The following PTPN13 variants were observed in gnomAD, a reference collection of about 807,000 sequenced individuals.
The protein encoded by PTPN13 is protein tyrosine phosphatase non-receptor type 13.
Under a neutral mutation model 284.0 loss-of-function variants are expected in PTPN13, and 191 were observed. That is an observed-to-expected ratio of 0.67 (90% CI 0.60 to 0.76). The LOEUF (loss-of-function observed/expected upper bound fraction) is 0.76. Ranked by LOEUF, PTPN13 falls within the 30% of genes least tolerant of loss-of-function variation. The probability of loss-of-function intolerance (pLI) is 0.00; values close to 1 mark genes in which losing one functional copy is unlikely to be tolerated. For synonymous variants in PTPN13, 986 were observed against 1,022.3 expected (o/e 0.96, Z 0.68); for missense variants, 2,797 against 2,939.9 (o/e 0.95, Z 1.12).
chr4:86,738,008 T>C (rs1398416501), intron 15 of PTPN13, among the ~76,000 whole-genome samples: 2 of 152,204 alleles, frequency 1.3e-5, no homozygotes, highest in Non-Finnish European at 2.9e-5. Context: ...GATACAGGTG[T>C]GAGCTACTGT....
At chr4:86,599,713 A>AT (rs1258023653) in intron 1 of PTPN13, among the ~76,000 whole-genome samples, 3 of 152,040 alleles carry the variant, frequency 2.0e-5, no homozygotes, top group African/African-American at 7.2e-5. Context: ...ATATTGTGTT[A>AT]TTTTTTAAAG....
chr4:86,815,136 CA>C lies in PTPN13; in HGVS notation c.*586del, dbSNP rs1040692672. 11 of 152,560 alleles carry C rather than the reference CA, an allele frequency of 7.2e-5. No homozygotes were observed. The highest frequency in any genetic ancestry group is 2.7e-4 in the African/African-American group (11 of 41,428). 9.5% of individuals were successfully genotyped at this position (152,560 alleles called of 1,614,324 possible). The stretch of plus-strand genomic sequence containing the variant: ...TTATCTCACTTTGTAAATAAAAACA[CA>C]CCTTAAAACATGAACAAGCCAAAAC... On this transcript the variant is annotated 3_prime_UTR_variant, in exon 48 of 48. Transcript: ENST00000411767.
intron 26 of PTPN13, 66 bp downstream of exon 26, chr4:86,765,554 A>G (rs956414367): frequency 9.6e-6 from 11 of 1,150,398 alleles, no homozygotes; most frequent in Non-Finnish European, 1.4e-5. Flanking sequence ...AAGAAATTAT[A>G]AAGTTGATAA....
intron 2 of PTPN13, among the ~76,000 whole-genome samples, chr4:86,655,755 A>C (rs554344075): frequency 1.3e-5 from 2 of 152,130 alleles, no homozygotes; most frequent in East Asian, 3.9e-4. Context: ...TCTTTGTGGC[A>C]TTCTCTGTAT....
At chr4:86,760,539 ACT>A (rs1738553255) in intron 23 of PTPN13, among the ~76,000 whole-genome samples, 1 of 152,058 alleles carries the variant, frequency 6.6e-6, no homozygotes, top group African/African-American at 2.4e-5. Flanking sequence ...AAGACAAAAA[ACT>A]CTGCCCTAAT....
intron 24 of PTPN13, 50 bp downstream of exon 24, chr4:86,763,240 A>G (rs1324037792): frequency 6.9e-7 from 1 of 1,440,294 alleles, no homozygotes. Flanking sequence ...AAAGCAAAAT[A>G]GCAGCAAATA....
chr4:86,613,612 C>CGACAA (rs1720185816), intron 1 of PTPN13, among the ~76,000 whole-genome samples: 1 of 129,114 alleles, frequency 7.7e-6, no homozygotes, highest in Non-Finnish European at 1.6e-5. Context: ...CCAGCCTGGG[C>CGACAA]GACAAGGTGA....
intron 47 of PTPN13, among the ~76,000 whole-genome samples, chr4:86,811,900 C>G (rs1745248389): frequency 6.6e-6 from 1 of 152,204 alleles, no homozygotes; most frequent in African/African-American, 2.4e-5. Context: ...GATTTATAAT[C>G]ACGCTTTTTA....
Position 86,672,467 on chromosome 4 carries a change from A to T in PTPN13, c.218A>T (p.Asn73Ile), listed in dbSNP as rs375778703. 2 of 1,597,792 alleles carry T rather than the reference A, an allele frequency of 1.3e-6. No individual in the cohort carries two copies. The highest frequency in any genetic ancestry group is 3.5e-5 in the Admixed American group (2 of 57,800). ...SVSFTDENIS[N>I]QDLRAFTAPE... The stretch of plus-strand genomic sequence containing the variant: ...TCATTTACAGATGAAAATATTTCCA[A>T]TCAGGATCTTCGAGCATTCACTGCA... Residue 73 changes from asparagine to isoleucine, a missense_variant, in exon 3 of 48, where the codon AAT becomes ATT. Asn to Ile is a moderately radical substitution (Grantham distance 149, BLOSUM62 -3). Coordinates refer to ENST00000411767, the MANE Select transcript of PTPN13 (RefSeq NM_080683.3).
chr4:86,814,084 T>C (rs1017761185), intron 47 of PTPN13, among the ~76,000 whole-genome samples: 1 of 141,652 alleles, frequency 7.1e-6, no homozygotes, highest in Non-Finnish European at 1.5e-5. Context: ...CTCGGCTCAC[T>C]GCAACCTCCG....
At chr4:86,748,636 A>G (rs1002099298) in intron 17 of PTPN13, among the ~76,000 whole-genome samples, 2 of 152,004 alleles carry the variant, frequency 1.3e-5, no homozygotes, top group Non-Finnish European at 2.9e-5. Context: ...AATAAAAACT[A>G]TATTTTGAGG....
chr4:86,602,335 A>T (rs908106783), intron 1 of PTPN13, among the ~76,000 whole-genome samples: 1 of 152,154 alleles, frequency 6.6e-6, no homozygotes, highest in Non-Finnish European at 1.5e-5. Flanking sequence ...CAAAATGAGG[A>T]TGATAACCAA....
At chr4:86,676,511 A>G (rs982999988) in intron 3 of PTPN13, among the ~76,000 whole-genome samples, 1 of 152,242 alleles carries the variant, frequency 6.6e-6, no homozygotes, top group African/African-American at 2.4e-5. Context: ...ACTTCTGAGT[A>G]TATATATCCA....
At chr4:86,747,062 T>C (rs1736847739) in intron 17 of PTPN13, among the ~76,000 whole-genome samples, 1 of 152,278 alleles carries the variant, frequency 6.6e-6, no homozygotes, top group Non-Finnish European at 1.5e-5. Flanking sequence ...TAATATTCTA[T>C]TCAGTACAAT....
Position 86,672,393 on chromosome 4 carries a change from C to T in PTPN13, c.144C>T (p.Gly48=). The change falls in exon 3 of 48, where the codon GGC becomes GGT. Residue 48 remains glycine, a synonymous_variant. Transcript: ENST00000411767. ...GCCTAGCTGATCCTGCTGCCCTTGGCTTCATCATTTCTCCATGGTCTCTGC... is the reference window on the plus strand; with the variant it reads ...GCCTAGCTGATCCTGCTGCCCTTGGTTTCATCATTTCTCCATGGTCTCTGC... The part of the protein sequence containing the change: ...KVSLADPAAL[G]FIISPWSLLL... The T allele has an allele frequency of 6.4e-7, 1 of 1,554,330 alleles. No homozygotes were observed.
chr4:86,625,712 G>GCT (rs971358367), intron 1 of PTPN13, among the ~76,000 whole-genome samples: 41 of 152,140 alleles, frequency 2.7e-4, no homozygotes, highest in African/African-American at 9.9e-4. Context: ...CTGGTCGTTG[G>GCT]CTGGGATACA....
chr4:86,800,244 G>GC (rs1175717546), intron 42 of PTPN13, among the ~76,000 whole-genome samples: 1 of 152,084 alleles, frequency 6.6e-6, no homozygotes, highest in Non-Finnish European at 1.5e-5. Flanking sequence ...AGCCAATGGA[G>GC]AAATGAAATT....
At chr4:86,713,405 T>G (rs1477339130) in intron 7 of PTPN13, among the ~76,000 whole-genome samples, 1 of 152,144 alleles carries the variant, frequency 6.6e-6, no homozygotes, top group African/African-American at 2.4e-5. Flanking sequence ...TCAATTTAAA[T>G]TAGTATTAAA....
intron 2 of PTPN13, among the ~76,000 whole-genome samples, chr4:86,670,651 G>A (rs1418719888): frequency 6.6e-6 from 1 of 152,114 alleles, no homozygotes; most frequent in East Asian, 1.9e-4. Flanking sequence ...TGGTCTCCTA[G>A]TGTTTGTTCC....
Sources: allele counts gnomAD v4.1 joint callset (sites outside exome capture counted in the v4.1 genomes callset), GRCh38; gene constraint gnomAD v4.1.1; transcripts MANE v1.5; gene names NCBI Gene and HGNC (gene_info 2026-07-23, HGNC 2026-07-21).